NCR1: variants seen among roughly 807,000 people sequenced by gnomAD.
NCR1 encodes NK cell-activating receptor.
Under a neutral mutation model 32.5 loss-of-function variants are expected in NCR1, and 30 were observed. That is an observed-to-expected ratio of 0.92 (90% CI 0.69 to 1.25). The LOEUF is 1.25. Among genes scored for constraint, NCR1 ranks in the 50% most tolerant of loss-of-function variants. The pLI is 0.00. For missense variants in NCR1, 369 were observed against 380.7 expected, an observed-to-expected ratio of 0.97 and a Z score of 0.26; for synonymous variants, 169 against 143.4, an observed-to-expected ratio of 1.18 and a Z score of -1.28.
At chr19:54,926,957 G>A in the NCR1 span, among the ~76,000 whole-genome samples, 1 of 150,646 alleles carries the variant, frequency 6.6e-6, no homozygotes, top group African/African-American at 2.4e-5. Flanking sequence ...AGCTGTGGTG[G>A]TGTGTACCTG....
upstream of NCR1, among the ~76,000 whole-genome samples, chr19:54,903,301 C>A: frequency 7.6e-6 from 1 of 131,274 alleles, no homozygotes; most frequent in African/African-American, 2.9e-5. Context: ...TACACATATA[C>A]GTATATGTAT....
chr19:54,929,031 G>A, the NCR1 span, among the ~76,000 whole-genome samples: 7 of 152,106 alleles, frequency 4.6e-5, no homozygotes, highest in African/African-American at 1.7e-4. Context: ...AAGGTATCAC[G>A]GTCTGGCTTG....
chr19:54,900,949 G>A, the NCR1 span, among the ~76,000 whole-genome samples: 1 of 151,814 alleles, frequency 6.6e-6, no homozygotes, highest in Non-Finnish European at 1.5e-5. Context: ...ATGGGTAATT[G>A]TATGGCATGT....
chr19:54,918,452 TAAGTA>T (rs918978441), downstream of NCR1, among the ~76,000 whole-genome samples: 9 of 151,962 alleles, frequency 5.9e-5, no homozygotes, highest in African/African-American at 2.2e-4. Context: ...GTACTTTTAG[TAAGTA>T]AAGACAGGGT....
chr19:54,904,531 C>CTTTTCTTTTTTTTTTTTTTTTTT (rs1221694096), upstream of NCR1, among the ~76,000 whole-genome samples: 73 of 118,954 alleles, frequency 6.1e-4, no homozygotes, highest in East Asian at 7.4e-4. Context: ...GTTTTCTTTT[C>CTTTTCTTTTTTTTTTTTTTTTTT]TTTTTTTTTT....
the NCR1 span, among the ~76,000 whole-genome samples, chr19:54,935,010 T>C: frequency 5.9e-5 from 9 of 152,138 alleles, no homozygotes; most frequent in East Asian, 3.9e-4. Flanking sequence ...ATCAGCTTCT[T>C]CTGCTTCACT....
the NCR1 span, among the ~76,000 whole-genome samples, chr19:54,934,187 C>T: frequency 1.6e-4 from 24 of 152,278 alleles, no homozygotes; most frequent in South Asian, 1.0e-3. The surrounding 1 kb of genome is among the most constrained non-coding windows in gnomAD (Gnocchi z 6.7). Flanking sequence ...GTGATCTCCC[C>T]GCCTTGGCCT....
At chr19:54,898,627 TATA>T in the NCR1 span, among the ~76,000 whole-genome samples, 3 of 152,154 alleles carry the variant, frequency 2.0e-5, no homozygotes, top group African/African-American at 7.2e-5. Flanking sequence ...TAATAAAATG[TATA>T]TTGAGAATAA....
chr19:54,901,123 G>GAAAAAAAAAA, the NCR1 span, among the ~76,000 whole-genome samples: 1 of 101,556 alleles, frequency 9.8e-6, no homozygotes, highest in Non-Finnish European at 1.9e-5. Flanking sequence ...TCTCTACTTT[G>GAAAAAAAAAA]AAAAAAAAAA....
At chr19:54,898,256 T>C in the NCR1 span, among the ~76,000 whole-genome samples, 3 of 152,240 alleles carry the variant, frequency 2.0e-5, no homozygotes, top group African/African-American at 4.8e-5. Context: ...CGATTTTCAG[T>C]GGGGTCCCGC....
At chr19:54,915,214 G>C (rs1430768698), downstream of NCR1, among the ~76,000 whole-genome samples, 1 of 152,022 alleles carries the variant, frequency 6.6e-6, no homozygotes, top group African/African-American at 2.4e-5. Context: ...CGGGGTTCTC[G>C]GGAAATATAT....
chr19:54,935,846 C>T, the NCR1 span, among the ~76,000 whole-genome samples: 1 of 152,118 alleles, frequency 6.6e-6, no homozygotes, highest in Non-Finnish European at 1.5e-5. Context: ...CAGGCACCAA[C>T]GATTAGCTCC....
chr19:54,922,195 T>C, the NCR1 span, among the ~76,000 whole-genome samples: 1 of 152,068 alleles, frequency 6.6e-6, no homozygotes, highest in African/African-American at 2.4e-5. Flanking sequence ...GCCTGGCTGC[T>C]CTTATTAAAA....
chr19:54,919,433 GCAGAGAGGGAGAGGAGA>G (rs1232787524), downstream of NCR1, among the ~76,000 whole-genome samples: 6 of 149,898 alleles, frequency 4.0e-5, no homozygotes, highest in African/African-American at 1.5e-4. Context: ...GGCAGCCGAG[GCAGAGAGGGAGAGGAGA>G]CAGAGAGAAA....
upstream of NCR1, among the ~76,000 whole-genome samples, chr19:54,902,801 A>C (rs1254628436): frequency 6.6e-6 from 1 of 151,952 alleles, no homozygotes; most frequent in Non-Finnish European, 1.5e-5. Context: ...GTGTAAGGGG[A>C]AACGCCAGCA....
intron 5 of NCR1, among the ~76,000 whole-genome samples, chr19:54,910,311 C>T (rs1416932289): frequency 6.6e-6 from 1 of 152,156 alleles, no homozygotes; most frequent in Non-Finnish European, 1.5e-5. Context: ...ATGGCTCACA[C>T]CTGTAATCCC....
At chr19:54,924,657 G>A in the NCR1 span, among the ~76,000 whole-genome samples, 1 of 151,810 alleles carries the variant, frequency 6.6e-6, no homozygotes, top group African/African-American at 2.4e-5. Flanking sequence ...TAATCAGGCT[G>A]GTGCACGGTG....
At chr19:54,919,118 C>T (rs1041571376), downstream of NCR1, among the ~76,000 whole-genome samples, 1 of 152,018 alleles carries the variant, frequency 6.6e-6, no homozygotes, top group East Asian at 1.9e-4. Flanking sequence ...GGTACATAGA[C>T]ACCACGTTTT....
At chr19:54,934,560 C>T in the NCR1 span, 2 of 1,614,088 alleles carry the variant, frequency 1.2e-6, no homozygotes, top group Non-Finnish European at 8.5e-7. This position sits in a 1 kb window ranked among gnomAD's most constrained non-coding sequence, Gnocchi z 6.7. Flanking sequence ...CATCCAGGAG[C>T]ACATTGGCTG....
Sources: gnomAD v4.1 joint callset for allele counts (sites outside exome capture counted in the v4.1 genomes callset) on GRCh38, gnomAD v4.1.1 for gene constraint, Gnocchi (gnomAD v3.1) non-coding constraint, MANE v1.5 for transcripts, NCBI Gene and HGNC (gene_info 2026-07-23, HGNC 2026-07-21) for gene names.